The following GLT8D2 variants were observed in gnomAD, a reference collection of about 807,000 sequenced individuals.
The protein encoded by GLT8D2 is glycosyltransferase 8 domain containing 2, also known as glycosyltransferase 8 domain-containing protein 2.
GLT8D2 carries 45 observed loss-of-function variants against 44.5 expected under a neutral mutation model. That is an observed-to-expected ratio of 1.01 (90% CI 0.80 to 1.30). The LOEUF (loss-of-function observed/expected upper bound fraction) is 1.30, where lower values mean the gene tolerates loss of function less well. GLT8D2 is among the 50% of genes most tolerant of loss of function. The pLI is 0.00. For missense variants in GLT8D2, 400 were observed against 430.4 expected, an observed-to-expected ratio of 0.93 and a Z score of 0.62; for synonymous variants, 156 against 157.2, an observed-to-expected ratio of 0.99 and a Z score of 0.06.
At chr12:104,009,084 T>C (rs956797960) in intron 4 of GLT8D2, among the ~76,000 whole-genome samples, 2 of 152,220 alleles carry the variant, frequency 1.3e-5, no homozygotes, top group Non-Finnish European at 2.9e-5. Context: ...ACTGGGGCAC[T>C]GCCTAGTGGA....
intron 4 of GLT8D2, among the ~76,000 whole-genome samples, chr12:104,013,123 T>A (rs1035879937): frequency 6.6e-4 from 100 of 152,302 alleles, no homozygotes; most frequent in African/African-American, 2.4e-3. Context: ...TACAATGATG[T>A]TTAGTAAATT....
upstream of GLT8D2, among the ~76,000 whole-genome samples, chr12:104,054,167 T>C (rs1289272160): frequency 6.6e-6 from 1 of 152,106 alleles, no homozygotes; most frequent in African/African-American, 2.4e-5. Flanking sequence ...CATCTCCCCA[T>C]TTTCCCCATC....
chr12:103,998,541 C>A lies in GLT8D2; in HGVS notation c.402+856G>T, dbSNP rs557068705. ...TATCCTGCCTCAGACTCCCGAGTAG[C>A]CGGGGCTACAGGTGCCTGCCACCAT... On this transcript the variant is annotated intron_variant, in intron 6 of 10. Transcript: ENST00000360814. Among the ~76,000 whole-genome samples, 10 of 152,242 alleles carry A rather than the reference C, an allele frequency of 6.6e-5. No individual in the cohort carries two copies. The South Asian group carries it at 8.3e-4, about 13-fold the overall frequency.
upstream of GLT8D2, among the ~76,000 whole-genome samples, chr12:104,053,726 T>C (rs1881916773): frequency 6.6e-6 from 1 of 151,822 alleles, no homozygotes; most frequent in African/African-American, 2.4e-5. Flanking sequence ...CTACTAAAAA[T>C]ATAAAAAATT....
At chr12:104,041,530 C>T (rs1461736224) in intron 1 of GLT8D2, among the ~76,000 whole-genome samples, 2 of 152,158 alleles carry the variant, frequency 1.3e-5, no homozygotes, top group South Asian at 2.1e-4. Flanking sequence ...AAACACAGAT[C>T]GCACCACTGC....
chr12:103,998,134 G>T (rs149238705), intron 6 of GLT8D2, among the ~76,000 whole-genome samples: 1 of 152,124 alleles, frequency 6.6e-6, no homozygotes, highest in East Asian at 1.9e-4. Flanking sequence ...CAGACAGAGG[G>T]CTCAGAATTA....
At chr12:104,025,637 AGAGTT>A (rs1174000599) in intron 1 of GLT8D2, among the ~76,000 whole-genome samples, 1 of 152,170 alleles carries the variant, frequency 6.6e-6, no homozygotes, top group Admixed American at 6.5e-5. Flanking sequence ...ATTTACATTC[AGAGTT>A]AATTTTTGTA....
At chr12:104,044,078 C>T (rs1880841226) in intron 1 of GLT8D2, among the ~76,000 whole-genome samples, 1 of 152,136 alleles carries the variant, frequency 6.6e-6, no homozygotes, top group Admixed American at 6.5e-5. Flanking sequence ...AGAGCAAAAA[C>T]CAAAGTCATT....
At chr12:104,025,894 T>C (rs1016326645) in intron 1 of GLT8D2, among the ~76,000 whole-genome samples, 4 of 152,070 alleles carry the variant, frequency 2.6e-5, no homozygotes, top group African/African-American at 7.2e-5. Context: ...TCCACACAGG[T>C]TTTTTATTAT....
chr12:104,039,741 T>C (rs911001370), intron 1 of GLT8D2, among the ~76,000 whole-genome samples: 27 of 152,228 alleles, frequency 1.8e-4, no homozygotes, highest in African/African-American at 5.8e-4. Context: ...AGTGTGGTGA[T>C]GCCTCAAGGA....
chr12:104,044,717 C>CG (rs1880902347), intron 1 of GLT8D2, among the ~76,000 whole-genome samples: 1 of 152,248 alleles, frequency 6.6e-6, no homozygotes, highest in Non-Finnish European at 1.5e-5. Context: ...ACTGGCCTAA[C>CG]GGCCATAGTA....
upstream of GLT8D2, among the ~76,000 whole-genome samples, chr12:104,053,148 A>G (rs1673950418): frequency 6.6e-6 from 1 of 152,208 alleles, no homozygotes; most frequent in African/African-American, 2.4e-5. Flanking sequence ...TCATGTGGAC[A>G]GCAGCCTGAG....
chr12:104,022,109 G>GA (rs1254386484), intron 1 of GLT8D2, among the ~76,000 whole-genome samples: 4 of 150,594 alleles, frequency 2.7e-5, no homozygotes, highest in Non-Finnish European at 5.9e-5. Flanking sequence ...GAAAAGAAAA[G>GA]AAAAAAAGAA....
At chr12:104,008,413 T>G (rs1259522699) in intron 4 of GLT8D2, among the ~76,000 whole-genome samples, 2 of 152,132 alleles carry the variant, frequency 1.3e-5, no homozygotes, top group Admixed American at 6.5e-5. Flanking sequence ...TTGAGAGAGA[T>G]AATTTAGGAT....
At chr12:104,033,653 C>T (rs1879587125) in intron 1 of GLT8D2, among the ~76,000 whole-genome samples, 1 of 152,040 alleles carries the variant, frequency 6.6e-6, no homozygotes, top group Admixed American at 6.6e-5. Context: ...TAAGAGTTCT[C>T]ACTGCACATA....
chr12:104,060,971 G>A (rs1882596812), intron 1 of GLT8D2, among the ~76,000 whole-genome samples: 1 of 151,930 alleles, frequency 6.6e-6, no homozygotes, highest in African/African-American at 2.4e-5. Context: ...AGAACACCAC[G>A]TGATGATGTG....
intron 1 of GLT8D2, among the ~76,000 whole-genome samples, chr12:104,045,087 G>A (rs1880941357): frequency 6.6e-6 from 1 of 152,216 alleles, no homozygotes; most frequent in Non-Finnish European, 1.5e-5. Flanking sequence ...CTGCCCCAAG[G>A]TGGGAACTCA....
intron 5 of GLT8D2, among the ~76,000 whole-genome samples, chr12:104,000,521 G>C (rs1874059847): frequency 1.3e-5 from 2 of 152,040 alleles, no homozygotes; most frequent in South Asian, 4.2e-4. Context: ...TCTGTTTTGG[G>C]ATTCTACTTC....
chr12:104,030,103 T>C (rs190031218), intron 1 of GLT8D2, among the ~76,000 whole-genome samples: 37 of 152,298 alleles, frequency 2.4e-4, no homozygotes, highest in Admixed American at 2.2e-3. Context: ...TACAAAGTTA[T>C]AGTAATCCAA....
Sources: gnomAD v4.1 joint callset for allele counts (sites outside exome capture counted in the v4.1 genomes callset) on GRCh38, gnomAD v4.1.1 for gene constraint, MANE v1.5 for transcripts, NCBI Gene and HGNC (gene_info 2026-07-23, HGNC 2026-07-21) for gene names.